Variants in SCN3A observed in about 807,000 individuals in gnomAD.
The protein encoded by SCN3A is sodium voltage-gated channel alpha subunit 3, also known as sodium channel protein type 3 subunit alpha.
A neutral mutation model predicts 187.6 loss-of-function variants in SCN3A; 60 were observed. That is an observed-to-expected ratio of 0.32 (90% CI 0.26 to 0.40). The LOEUF (loss-of-function observed/expected upper bound fraction) is 0.40, where lower values mean the gene tolerates loss of function less well. Among genes scored for constraint, SCN3A ranks in the 10% least tolerant of loss-of-function variants. The pLI is 1.00. For missense variants in SCN3A, 1,601 were observed against 2,428.2 expected (o/e 0.66, Z 7.16); for synonymous variants, 788 against 829.2 (o/e 0.95, Z 0.85).
chr2:165,121,535 G>A (rs886741259), intron 18 of SCN3A, among the ~76,000 whole-genome samples: 6 of 152,054 alleles, frequency 3.9e-5, no homozygotes, highest in African/African-American at 1.2e-4. Flanking sequence ...AATCACCATG[G>A]ACTGTATCTT....
chr2:165,115,610 T>C, intron 18 of SCN3A, 35 bp from the exon 19 acceptor site: 1 of 1,610,008 alleles, frequency 6.2e-7, no homozygotes, highest in Non-Finnish European at 8.5e-7. Context: ...GATGTGATTT[T>C]CCCCCTTTTA....
chr2:165,126,463 T>TC (rs1686994958), intron 18 of SCN3A, among the ~76,000 whole-genome samples: 1 of 150,714 alleles, frequency 6.6e-6, no homozygotes, highest in Non-Finnish European at 1.5e-5. Context: ...TTCTTTTCTT[T>TC]CTCTTTCTTT....
intron 17 of SCN3A, among the ~76,000 whole-genome samples, chr2:165,128,530 T>C (rs2105766187): frequency 6.6e-6 from 1 of 152,332 alleles, no homozygotes. Flanking sequence ...TTCGTGTATA[T>C]AAAGAATGAA....
At position 165,193,675 on chromosome 2, in the gene SCN3A, T is replaced by C. The variant is rs183956160; in HGVS notation, c.-247-6928A>G. Among the ~76,000 whole-genome samples, 71 of 152,058 alleles carry C rather than the reference T, an allele frequency of 4.7e-4. 1 individual carries two copies. Among genetic ancestry groups the C allele is most frequent in the African/African-American group, 1.6e-3 (66 of 41,476 alleles). ...TGTTTTCACAACTGAGTGTTGAGAG[T>C]CGATTGCCTTTTTCACTTGGCAACC... On this transcript the variant is annotated intron_variant, in intron 1 of 27. Transcript: ENST00000283254.
At chr2:165,152,540 C>A (rs2390206) in intron 11 of SCN3A, among the ~76,000 whole-genome samples, 91,707 of 152,064 alleles carry the variant, frequency 0.6, 27,933 homozygotes, top group East Asian at 0.84. Flanking sequence ...CATACGTGTG[C>A]ATGTGTCTTT....
At chr2:165,191,144 A>T (rs1574341653) in intron 1 of SCN3A, among the ~76,000 whole-genome samples, 4 of 150,392 alleles carry the variant, frequency 2.7e-5, no homozygotes. Flanking sequence ...GATGACAATC[A>T]TAGCTTCTTC....
rs747790337 is a variant in SCN3A, at chr2:165,115,474, C to T, written c.3495G>A (p.Pro1165=). The change falls in exon 19 of 28, where the codon CCG becomes CCA. Residue 1165 remains proline, a synonymous_variant. Coordinates refer to ENST00000283254, the MANE Select transcript of SCN3A (RefSeq NM_006922.4). ...GTTTACCTTCAGTAAAACAAGCTTC[C>T]GGTTTAAGGTCTTCTTCGGGTTCAG... ...AETEPEEDLK[P]EACFTEGCIK... is the part of the protein sequence containing the mutation. 3.2e-5 allele frequency: 51 copies of T among 1,613,156 alleles called. No individual in the cohort carries two copies. The Admixed American group carries it at 3.3e-4, about 11-fold the overall frequency.
At chr2:165,153,173 A>G (rs1452057878) in intron 11 of SCN3A, among the ~76,000 whole-genome samples, 4 of 152,134 alleles carry the variant, frequency 2.6e-5, no homozygotes, top group African/African-American at 9.7e-5. Flanking sequence ...ATAATTGACA[A>G]AAGTTCAAAG....
intron 1 of SCN3A, among the ~76,000 whole-genome samples, chr2:165,202,715 C>T (rs1229855468): frequency 2.0e-5 from 3 of 151,964 alleles, no homozygotes; most frequent in African/African-American, 7.2e-5. Context: ...ACTGGAAGCC[C>T]TGTTGAAATC....
Position 165,090,988 on chromosome 2 carries a change from G to C in SCN3A, c.5165C>G (p.Ala1722Gly), listed in dbSNP as rs766301560. The C allele has an allele frequency of 2.5e-6, 4 of 1,614,030 alleles. No homozygotes were observed. The African/African-American group carries it at 4.0e-5, about 16-fold the overall frequency. Residue 1722 changes from alanine to glycine, a missense_variant, in exon 28 of 28, where the codon GCA (alanine) becomes GGA (glycine). Ala to Gly is a moderately conservative substitution (Grantham distance 60). Transcript: ENST00000283254. This position sits in a 1 kb window ranked among gnomAD's most constrained non-coding sequence, Gnocchi z 4.0. ...DGLLAPILNS[A>G]PPDCDPDTIH... ...TGTGTCAGGGTCACAGTCGGGTGGT[G>C]CACTATTAAGAATAGGTGCTAGCAA... is the stretch of plus-strand genomic sequence containing the variant.
In SCN3A at chr2:165,162,335, A is replaced by G. The variant is rs1410508798; in HGVS notation, c.1004T>C (p.Leu335Ser). The G allele has an allele frequency of 1.2e-6, 2 of 1,613,662 alleles. No homozygotes were observed. Among genetic ancestry groups the G allele is most frequent in the Non-Finnish European group, 1.7e-6 (2 of 1,179,884 alleles). ...TGCATCTGAGCCATTTCCACAGAGT[A>G]AAGGGTCTTTTTGCCCATCCAAAAC... is the stretch of plus-strand genomic sequence containing the variant. ...FYVLDGQKDP[L>S]LCGNGSDAGQ... The change falls in exon 9 of 28, where the codon TTA becomes TCA. Residue 335 changes from leucine to serine, a missense_variant. Around this residue, in one of 11 missense-constraint regions of SCN3A, gnomAD observed 104 missense variants for 102.7 expected, o/e 1.01. Transcript: ENST00000283254.
At chr2:165,169,857 A>C (rs1178081045) in intron 4 of SCN3A, among the ~76,000 whole-genome samples, 1 of 151,904 alleles carries the variant, frequency 6.6e-6, no homozygotes, top group Non-Finnish European at 1.5e-5. Flanking sequence ...AAATAATTTC[A>C]AGTTCGACTT....
Position 165,112,970 on chromosome 2 carries a change from A to G in SCN3A, c.3758T>C (p.Leu1253Pro). 6.2e-7 allele frequency: 1 copy of G among 1,613,404 alleles called. No individual in the cohort carries two copies. The highest frequency in any genetic ancestry group is 8.5e-7 in the Non-Finnish European group (1 of 1,179,574). ...AGCAACCCATTTGAGAAGCATTTCC[A>G]GAATGAATATATAGGTAAAGACTTT... is the stretch of plus-strand genomic sequence containing the variant. ...ADKVFTYIFI[L>P]EMLLKWVAYG... The change falls in exon 21 of 28, where the codon CTG becomes CCG. Residue 1253 changes from leucine (L) to proline (P), a missense_variant. Coordinates refer to ENST00000283254, the MANE Select transcript of SCN3A (RefSeq NM_006922.4).
chr2:165,164,315 T>C, intron 6 of SCN3A, 77 bp downstream of exon 6: 1 of 1,578,614 alleles, frequency 6.3e-7, no homozygotes, highest in Non-Finnish European at 8.7e-7. Flanking sequence ...CTACATTTAA[T>C]ATATGACACA....
At chr2:165,138,395 GC>G (rs1043387943) in intron 14 of SCN3A, among the ~76,000 whole-genome samples, 1 of 152,080 alleles carries the variant, frequency 6.6e-6, no homozygotes, top group Non-Finnish European at 1.5e-5. Context: ...TGATTAAAGT[GC>G]TGTATTCTCT....
chr2:165,134,948 A>T (rs1687575724), intron 15 of SCN3A, among the ~76,000 whole-genome samples: 1 of 152,012 alleles, frequency 6.6e-6, no homozygotes, highest in Non-Finnish European at 1.5e-5. Flanking sequence ...ATTTACGCTT[A>T]TCTAAAAATG....
intron 2 of SCN3A, among the ~76,000 whole-genome samples, chr2:165,185,944 C>T (rs572161424): frequency 9.9e-4 from 151 of 152,048 alleles, no homozygotes; most frequent in African/African-American, 3.6e-3. Flanking sequence ...ACTAAATAGA[C>T]AGGATGAATG....
At chr2:165,141,096 G>A in intron 12 of SCN3A, 98 bp from the exon 13 acceptor site, 2 of 752,736 alleles carry the variant, frequency 2.7e-6, no homozygotes, top group Non-Finnish European at 2.1e-6. Flanking sequence ...TTTCTTTGGA[G>A]TTAGTATACT....
chr2:165,166,183 T>A (rs1218648766), intron 5 of SCN3A, among the ~76,000 whole-genome samples: 1 of 152,192 alleles, frequency 6.6e-6, no homozygotes, highest in African/African-American at 2.4e-5. Context: ...ACTTTTGTTC[T>A]TGATTTGGGG....
Sources: allele counts gnomAD v4.1 joint callset (sites outside exome capture counted in the v4.1 genomes callset), GRCh38; gene constraint gnomAD v4.1.1; regional missense constraint gnomAD v4.1.1; non-coding constraint Gnocchi (gnomAD v3.1); transcripts MANE v1.5; gene names NCBI Gene and HGNC (gene_info 2026-07-23, HGNC 2026-07-21).